CCDC88C: variants seen among roughly 807,000 people sequenced by gnomAD.
CCDC88C encodes the protein protein Daple.
CCDC88C carries 131 observed loss-of-function variants against 198.8 expected under a neutral mutation model. The ratio of observed to expected loss-of-function variants is 0.66; its 90% CI spans 0.57 to 0.76. The LOEUF (loss-of-function observed/expected upper bound fraction) is 0.76, where lower values mean the gene tolerates loss of function less well. Ranked by LOEUF, CCDC88C falls within the 30% of genes least tolerant of loss-of-function variation. CCDC88C has a pLI of 0.00. For synonymous variants in CCDC88C, 1,166 were observed against 1,114.7 expected (o/e 1.05, Z -0.92); for missense variants, 2,553 against 2,631.6 (o/e 0.97, Z 0.65).
intron 3 of CCDC88C, among the ~76,000 whole-genome samples, chr14:91,394,594 A>G (rs1314657738): frequency 6.6e-6 from 1 of 152,196 alleles, no homozygotes; most frequent in Non-Finnish European, 1.5e-5. Context: ...GTTGTTATGT[A>G]TCTTGTCATT....
chr14:91,332,297 GA>G (rs1199122809), intron 10 of CCDC88C, among the ~76,000 whole-genome samples: 1 of 152,216 alleles, frequency 6.6e-6, no homozygotes, highest in Non-Finnish European at 1.5e-5. Context: ...GCACTGAGCA[GA>G]ACTACTGTTT....
intron 3 of CCDC88C, among the ~76,000 whole-genome samples, chr14:91,372,972 G>A (rs979287952): frequency 3.3e-5 from 5 of 152,090 alleles, no homozygotes; most frequent in Non-Finnish European, 7.3e-5. Context: ...GCTCCGGGGC[G>A]ACACACCATC....
At chr14:91,362,725 C>A (rs533249710) in intron 3 of CCDC88C, among the ~76,000 whole-genome samples, 1 of 152,046 alleles carries the variant, frequency 6.6e-6, no homozygotes, top group Admixed American at 6.5e-5. Flanking sequence ...GTCAGGAGAT[C>A]GAGACCATCC....
chr14:91,417,333 C>A, intron 1 of CCDC88C: 1 of 615,696 alleles, frequency 1.6e-6, no homozygotes, highest in South Asian at 1.9e-5. Context: ...GGGACCCGGT[C>A]CGCCCCGAGG....
intron 3 of CCDC88C, among the ~76,000 whole-genome samples, chr14:91,385,573 T>C (rs1016615896): frequency 3.3e-5 from 5 of 152,280 alleles, no homozygotes; most frequent in Non-Finnish European, 7.3e-5. Flanking sequence ...GGTCACAAGG[T>C]GGGCGGCAAG....
intron 10 of CCDC88C, among the ~76,000 whole-genome samples, chr14:91,326,603 G>A (rs1158336792): frequency 6.6e-6 from 1 of 152,188 alleles, no homozygotes; most frequent in African/African-American, 2.4e-5. Context: ...TGGGAATAGT[G>A]CCAAGGCTTT....
intron 1 of CCDC88C, 189 bp from the exon 2 acceptor site, chr14:91,417,027 C>T: frequency 1.4e-6 from 1 of 695,332 alleles, no homozygotes. Context: ...CCGCGCGGGG[C>T]AACAGACACG....
At chr14:91,317,850 C>T (rs971540196) in intron 13 of CCDC88C, among the ~76,000 whole-genome samples, 4 of 152,166 alleles carry the variant, frequency 2.6e-5, no homozygotes, top group African/African-American at 7.2e-5. Context: ...GGGTGGGCGA[C>T]GCCCCCGCCA....
intron 3 of CCDC88C, among the ~76,000 whole-genome samples, chr14:91,374,578 G>A (rs540048219): frequency 6.6e-6 from 1 of 152,112 alleles, no homozygotes; most frequent in East Asian, 1.9e-4. Context: ...GGGTGGAACT[G>A]GAGAATCCCA....
intron 22 of CCDC88C, among the ~76,000 whole-genome samples, chr14:91,295,221 T>C (rs1265985403): frequency 2.0e-5 from 3 of 152,238 alleles, no homozygotes; most frequent in Non-Finnish European, 2.9e-5. Flanking sequence ...CTGTTTTTAA[T>C]ATAATTATAC....
chr14:91,387,650 G>A (rs560785152), intron 3 of CCDC88C, among the ~76,000 whole-genome samples: 1 of 152,314 alleles, frequency 6.6e-6, no homozygotes, highest in South Asian at 2.1e-4. Context: ...ACCACAAGAA[G>A]TGCACGGGCC....
intron 3 of CCDC88C, among the ~76,000 whole-genome samples, chr14:91,401,044 T>G (rs954907890): frequency 2.0e-5 from 3 of 151,532 alleles, no homozygotes; most frequent in Non-Finnish European, 2.9e-5. Context: ...AGGGAAAAGC[T>G]TTCTCACTGC....
intron 4 of CCDC88C, among the ~76,000 whole-genome samples, chr14:91,345,490 C>T (rs1567089831): frequency 6.6e-6 from 1 of 152,086 alleles, no homozygotes; most frequent in African/African-American, 2.4e-5. Flanking sequence ...CGTGCCCGGC[C>T]TTAAAATATT....
intron 4 of CCDC88C, among the ~76,000 whole-genome samples, chr14:91,349,692 T>C (rs1438442802): frequency 6.6e-6 from 1 of 152,140 alleles, no homozygotes; most frequent in Non-Finnish European, 1.5e-5. Context: ...TCCTGGAGTC[T>C]TGACACAAAG....
rs199918014 is a variant in CCDC88C at position 91,303,975 on chromosome 14, C to T, written c.3361G>A (p.Glu1121Lys). 1.3e-6 allele frequency: 2 copies of T among 1,598,112 alleles called. No homozygotes were observed. The highest frequency in any genetic ancestry group is 3.3e-5 in the Admixed American group (2 of 59,892). Residue 1121 changes from glutamate (E) to lysine (K), a missense_variant, in exon 20 of 30, where the codon GAG becomes AAG. This residue lies in a region of CCDC88C where 1,293 missense variants were observed against 1,219.6 expected (regional missense o/e 1.06). Transcript: ENST00000389857. The part of the protein sequence containing the change: ...LQTQTAKLQV[E>K]NSTLSSQSAA... ...CTCTGGGAACTCAGCGTGGAGTTCT[C>T]CACCTGCCGAGAGGGAGAAGCGCGG...
At chr14:91,281,588 C>T (rs530513882) in intron 26 of CCDC88C, 63 bp from the exon 27 acceptor site, 24 of 1,453,102 alleles carry the variant, frequency 1.7e-5, no homozygotes, top group South Asian at 1.2e-4. Flanking sequence ...CAGGGAACCC[C>T]GCCACCTCGC....
intron 10 of CCDC88C, among the ~76,000 whole-genome samples, chr14:91,334,926 T>TG: frequency 6.6e-6 from 1 of 152,092 alleles, no homozygotes; most frequent in Non-Finnish European, 1.5e-5. Flanking sequence ...CACACCTGAG[T>TG]GCTCAGGTGG....
At chr14:91,306,885 G>T (rs868735299) in intron 18 of CCDC88C, among the ~76,000 whole-genome samples, 153 bp downstream of exon 18, 1 of 152,196 alleles carries the variant, frequency 6.6e-6, no homozygotes, top group Non-Finnish European at 1.5e-5. Flanking sequence ...ATGAAGAGGG[G>T]CCCACAGGAC....
In CCDC88C at chr14:91,343,691, C is replaced by T. The variant is rs764260093; in HGVS notation, c.341-34G>A. On this transcript the variant is annotated intron_variant, in intron 4 of 29. Coordinates refer to ENST00000389857, the MANE Select transcript of CCDC88C (RefSeq NM_001080414.4). ...AGAGAGCAACACATTTAACTCAGCT[C>T]AACTGCTGATATAATTTCAGTGACA... is the stretch of plus-strand genomic sequence containing the variant. The T allele has an allele frequency of 3.2e-5, 52 of 1,611,788 alleles. No individual in the cohort carries two copies. The South Asian group carries it at 5.2e-4, about 16-fold the overall frequency.
Sources: gnomAD v4.1 joint callset for allele counts (sites outside exome capture counted in the v4.1 genomes callset) on GRCh38, gnomAD v4.1.1 for gene constraint, gnomAD v4.1.1 regional missense constraint, MANE v1.5 for transcripts, NCBI Gene and HGNC (gene_info 2026-07-23, HGNC 2026-07-21) for gene names.